Variants in PHKA1 observed in about 807,000 individuals in gnomAD.
PHKA1 encodes phosphorylase kinase regulatory subunit alpha 1, also known as phosphorylase b kinase regulatory subunit alpha, skeletal muscle isoform.
Under a neutral mutation model 110.2 loss-of-function variants are expected in PHKA1, and 60 were observed. That is an observed-to-expected ratio of 0.54 (90% CI 0.44 to 0.68). PHKA1 has a LOEUF of 0.68. PHKA1 is among the 30% of genes least tolerant of loss of function. The pLI is 0.00. For synonymous variants in PHKA1, 316 were observed against 333.6 expected (o/e 0.95, Z 0.58); for missense variants, 801 against 942.5 (o/e 0.85, Z 1.97).
At chrX:72,585,617 C>T (rs1362235650) in intron 29 of PHKA1, among the ~76,000 whole-genome samples, 1 of 111,876 alleles carries the variant, frequency 8.9e-6, no homozygotes, top group Non-Finnish European at 1.9e-5. Context: ...CAGGGTGGGG[C>T]ATCACCTCAC....
intron 4 of PHKA1, among the ~76,000 whole-genome samples, chrX:72,686,061 G>T (rs994458509): frequency 1.2e-3 from 130 of 111,856 alleles, no homozygotes; most frequent in African/African-American, 3.7e-3. Flanking sequence ...AATGGAAAAA[G>T]TCCTCTCACA....
intron 16 of PHKA1, among the ~76,000 whole-genome samples, chrX:72,634,476 C>T (rs2053204744): frequency 1.8e-5 from 2 of 109,305 alleles, no homozygotes; most frequent in Admixed American, 9.8e-5. Context: ...AGGAAGCAGT[C>T]GCTTCAGTAT....
chrX:72,651,915 A>G (rs782620448), intron 12 of PHKA1, among the ~76,000 whole-genome samples: 28 of 112,039 alleles, frequency 2.5e-4, no homozygotes, highest in Admixed American at 1.1e-3. Flanking sequence ...GCCAGATGAT[A>G]TGAAAAACTT....
chrX:72,711,007 G>A (rs1433037447), intron 2 of PHKA1, among the ~76,000 whole-genome samples: 3 of 106,291 alleles, frequency 2.8e-5, no homozygotes, highest in South Asian at 4.3e-4. Flanking sequence ...GACTACAGGC[G>A]CCCGCTACCA....
intron 19 of PHKA1, 80 bp downstream of exon 19, chrX:72,620,645 A>G: frequency 1.2e-6 from 1 of 849,276 alleles, no homozygotes; most frequent in South Asian, 2.1e-5. Context: ...GTTCCTGCTT[A>G]CATTGTAATC....
At chrX:72,675,546 A>T (rs1556311405) in intron 6 of PHKA1, among the ~76,000 whole-genome samples, 2 of 111,548 alleles carry the variant, frequency 1.8e-5, no homozygotes, top group African/African-American at 6.5e-5. Context: ...GATATGTTTG[A>T]TCTTATTCCT....
At chrX:72,591,386 G>C (rs1293438785) in intron 29 of PHKA1, among the ~76,000 whole-genome samples, 16 of 110,150 alleles carry the variant, frequency 1.5e-4, no homozygotes, top group African/African-American at 5.0e-4. Flanking sequence ...CACAGGGTGG[G>C]GAACATCACA....
chrX:72,606,300 A>G (rs1354826010), intron 23 of PHKA1, among the ~76,000 whole-genome samples: 2 of 110,665 alleles, frequency 1.8e-5, no homozygotes, highest in Non-Finnish European at 3.8e-5. Flanking sequence ...TTATTACTTT[A>G]CAATCACAGT....
chrX:72,613,978 G>A (rs891383781), intron 21 of PHKA1, among the ~76,000 whole-genome samples: 1 of 111,701 alleles, frequency 9.0e-6, no homozygotes, highest in Admixed American at 9.5e-5. Flanking sequence ...CAGATAAATG[G>A]AGACTCAAGA....
intron 29 of PHKA1, among the ~76,000 whole-genome samples, chrX:72,585,926 G>A: frequency 8.9e-6 from 1 of 112,319 alleles, no homozygotes; most frequent in Non-Finnish European, 1.9e-5. Context: ...TGGGAAGCTT[G>A]AACTGGGTAG....
chrX:72,631,359 G>A (rs1269150477), intron 16 of PHKA1, among the ~76,000 whole-genome samples: 2 of 111,133 alleles, frequency 1.8e-5, no homozygotes, highest in African/African-American at 3.3e-5. Flanking sequence ...ACTTTTGGGC[G>A]AGGATGAAAG....
At position 72,579,536 on chromosome X, in the gene PHKA1, C is replaced by T. The variant is rs2052306455; in HGVS notation, c.*1466G>A. The T allele has an allele frequency of 8.9e-6, 1 of 111,784 alleles. No individual in the cohort carries two copies. The highest frequency in any genetic ancestry group is 3.3e-5 in the African/African-American group (1 of 30,710). 9.2% of individuals were successfully genotyped at this position (111,784 alleles called of 1,213,427 possible). A position where few individuals can be genotyped will look rare whatever the true frequency, so the allele number is the denominator to read the frequency against. On this transcript the variant is annotated 3_prime_UTR_variant, in exon 32 of 32. Transcript: ENST00000373542. ...AAGGAGAGTTAGAAGAAACATTTGTCAAGCAAGGCTACCTACATATGGGAT... is the reference window on the plus strand; with the variant it reads ...AAGGAGAGTTAGAAGAAACATTTGTTAAGCAAGGCTACCTACATATGGGAT...
In PHKA1 at chrX:72,582,547, G is replaced by A. The variant is rs782021614; in HGVS notation, c.3349C>T (p.Arg1117Cys). The change falls in exon 31 of 32, where the codon CGT becomes TGT. Residue 1117 changes from arginine to cysteine, a missense_variant. Arg to Cys is a radical substitution (Grantham distance 180). Coordinates refer to ENST00000373542, the MANE Select transcript of PHKA1 (RefSeq NM_002637.4). ...FSVHVESVLNRVPQPEYRQLL... is the reference protein window; with the variant it reads ...FSVHVESVLNCVPQPEYRQLL... Reference sequence around the variant, plus strand: ...TGACGGTACTCTGGCTGAGGTACACGATTCAGGACAGACTCCACATGAACA... The same window carrying A: ...TGACGGTACTCTGGCTGAGGTACACAATTCAGGACAGACTCCACATGAACA... 16 of 1,204,675 alleles carry A rather than the reference G, an allele frequency of 1.3e-5. No individual in the cohort carries two copies. Among genetic ancestry groups the A allele is most frequent in the South Asian group, 1.8e-5 (1 of 56,799 alleles).
At chrX:72,609,227 C>T (rs2052771958) in intron 23 of PHKA1, among the ~76,000 whole-genome samples, 1 of 111,781 alleles carries the variant, frequency 8.9e-6, no homozygotes, top group Non-Finnish European at 1.9e-5. Flanking sequence ...TGTAAGTAAC[C>T]ATTTTTCCTC....
chrX:72,588,474 A>C (rs1304408126), intron 29 of PHKA1, among the ~76,000 whole-genome samples: 1 of 112,117 alleles, frequency 8.9e-6, no homozygotes, highest in Admixed American at 9.5e-5. Flanking sequence ...AAGAGAAAGC[A>C]GGAAAGATCT....
chrX:72,657,173 C>A (rs2053506392), intron 9 of PHKA1, among the ~76,000 whole-genome samples: 1 of 112,131 alleles, frequency 8.9e-6, no homozygotes, highest in Admixed American at 9.4e-5. Context: ...CTGTTTAGAA[C>A]TAACCAACTA....
chrX:72,635,374 T>C (rs901387806), intron 15 of PHKA1, 75 bp from the exon 16 acceptor site: 2 of 967,230 alleles, frequency 2.1e-6, no homozygotes, highest in Non-Finnish European at 1.4e-6. Flanking sequence ...ACTACTCATA[T>C]ATTCAGAAGA....
Position 72,714,178 on chromosome X carries a change from CGT to C in PHKA1, c.-300_-299del, listed in dbSNP as rs2054428786. The C allele has an allele frequency of 3.1e-6, 1 of 322,553 alleles. No individual in the cohort carries two copies. The highest frequency in any genetic ancestry group is 5.6e-6 in the Non-Finnish European group (1 of 180,179). The allele number at this position is 322,553 out of a possible 1,213,427, so 26.6% of individuals were successfully genotyped here. A position where few individuals can be genotyped will look rare whatever the true frequency, so the allele number is the denominator to read the frequency against. On this transcript the variant is annotated 5_prime_UTR_variant, in exon 1 of 32. It removes the in-frame stop codon of an upstream open reading frame in the 5' UTR. Transcript: ENST00000373542. ...CCCCCTTAGTCCAGTCCGGCCTCCG[CGT>C]GTGACTCCTGCATCCTCCCCTCAAC...
intron 28 of PHKA1, among the ~76,000 whole-genome samples, chrX:72,600,849 A>C (rs1314893530): frequency 9.0e-6 from 1 of 111,666 alleles, no homozygotes; most frequent in Non-Finnish European, 1.9e-5. Context: ...CAGTGCTAAA[A>C]AGCTAAAAAA....
Sources: gnomAD v4.1 joint callset for allele counts (sites outside exome capture counted in the v4.1 genomes callset) on GRCh38, gnomAD v4.1.1 for gene constraint, MANE v1.5 for transcripts, NCBI Gene and HGNC (gene_info 2026-07-23, HGNC 2026-07-21) for gene names.